Variants in AP3M1 observed in about 807,000 individuals in gnomAD.
AP3M1 encodes the protein adaptor related protein complex 3 subunit mu 1.
Under a neutral mutation model 42.6 loss-of-function variants are expected in AP3M1, and 29 were observed. The observed-to-expected ratio is 0.68, with a 90% confidence interval of 0.51 to 0.93. The LOEUF is 0.93. Among genes scored for constraint, AP3M1 ranks in the 40% least tolerant of loss-of-function variants. AP3M1 has a pLI of 0.00. For missense variants in AP3M1, 416 were observed against 510.2 expected (o/e 0.82, Z 1.78); for synonymous variants, 178 against 175.3 (o/e 1.02, Z -0.12).
At position 74,124,510 on chromosome 10, in the gene AP3M1, A is replaced by G; in HGVS notation, c.1026T>C (p.Asp342=). Residue 342 remains aspartate, a synonymous_variant, in exon 8 of 9, where the codon GAT becomes GAC. Coordinates refer to ENST00000355264, the MANE Select transcript of AP3M1 (RefSeq NM_012095.6). ...FDPVTKVLTW[D]VGKITPQKLP... is the part of the protein sequence containing the mutation. Reference sequence around the variant, plus strand: ...GCTTTTGTGGAGTAATTTTTCCCACATCCCATGTTAGTACCTTAAAAAGAC... The same window carrying G: ...GCTTTTGTGGAGTAATTTTTCCCACGTCCCATGTTAGTACCTTAAAAAGAC... 1 of 1,606,496 alleles carries G rather than the reference A, an allele frequency of 6.2e-7. No individual in the cohort carries two copies. Among genetic ancestry groups the G allele is most frequent in the Non-Finnish European group, 8.5e-7 (1 of 1,177,910 alleles).
At chr10:74,126,704 T>C (rs1221933514) in intron 6 of AP3M1, among the ~76,000 whole-genome samples, 9 of 151,106 alleles carry the variant, frequency 6.0e-5, no homozygotes, top group Non-Finnish European at 3.0e-5. Context: ...AAAAATTAGC[T>C]AGGGCTGGGC....
At position 74,150,588 on chromosome 10, in the gene AP3M1, G is replaced by A. The variant is rs540320607; in HGVS notation, c.-4+167C>T. ...TGGACCGCTCCCTTCTGGCCTTGCTGGCGAGAAAGCCCGGAAGGCCGGGAG... is the reference window on the plus strand; with the variant it reads ...TGGACCGCTCCCTTCTGGCCTTGCTAGCGAGAAAGCCCGGAAGGCCGGGAG... On this transcript the variant is annotated intron_variant, in intron 1 of 8. Coordinates refer to ENST00000355264, the MANE Select transcript of AP3M1 (RefSeq NM_012095.6). 6 of 153,232 alleles carry A rather than the reference G, an allele frequency of 3.9e-5. No individual in the cohort carries two copies. In the East Asian group the frequency reaches 1.2e-3, roughly 30 times the overall value. 9.5% of individuals were successfully genotyped at this position (153,232 alleles called of 1,614,324 possible).
At chr10:74,125,996 C>A in intron 7 of AP3M1, 152 bp downstream of exon 7, 1 of 725,976 alleles carries the variant, frequency 1.4e-6, no homozygotes. Context: ...CTTCTGCAGC[C>A]AGTGGCAGAA....
intron 6 of AP3M1, among the ~76,000 whole-genome samples, chr10:74,127,550 T>C (rs1475297437): frequency 2.0e-5 from 3 of 151,934 alleles, no homozygotes; most frequent in South Asian, 2.1e-4. Flanking sequence ...TCCCAGCTAC[T>C]TGGGAGGCTG....
At chr10:74,137,562 T>C (rs12779746) in intron 2 of AP3M1, among the ~76,000 whole-genome samples, 64 of 152,344 alleles carry the variant, frequency 4.2e-4, no homozygotes, top group Non-Finnish European at 8.5e-4. Flanking sequence ...GGCATTATTG[T>C]TTCCTGATGA....
In AP3M1 at chr10:74,130,002, GA is replaced by G. The variant is rs35456205; in HGVS notation, c.584-11del. 0.7 allele frequency: 1,015,691 copies of G among 1,443,516 alleles called. 356,598 individuals carry two copies. The highest frequency in any genetic ancestry group is 0.83 in the Middle Eastern group (4,722 of 5,700). The allele number at this position is 1,443,516 out of a possible 1,614,324, so 89.4% of individuals were successfully genotyped here. The stretch of plus-strand genomic sequence containing the variant: ...GCAAAGACTGTAGATCCTGAAGAAA[GA>G]AAAAAAAAAGGAAGATAACATCAAT... On this transcript the variant is annotated splice_polypyrimidine_tract_variant and intron_variant, in intron 4 of 8. Transcript: ENST00000355264.
intron 4 of AP3M1, 86 bp downstream of exon 4, chr10:74,133,941 C>T: frequency 6.5e-7 from 1 of 1,536,258 alleles, no homozygotes; most frequent in Non-Finnish European, 8.8e-7. Flanking sequence ...GCGTGAGCCA[C>T]CGCGCCCGGC....
intron 1 of AP3M1, among the ~76,000 whole-genome samples, chr10:74,145,717 G>A (rs1841307437): frequency 6.6e-6 from 1 of 152,174 alleles, no homozygotes; most frequent in African/African-American, 2.4e-5. Flanking sequence ...AAGAAACTGT[G>A]TTCAGAGGCA....
At chr10:74,150,092 C>T (rs1436331827) in intron 1 of AP3M1, among the ~76,000 whole-genome samples, 3 of 152,176 alleles carry the variant, frequency 2.0e-5, no homozygotes, top group African/African-American at 4.8e-5. Context: ...CCTTGAAAGT[C>T]TTTCGGGCTT....
chr10:74,126,221 T>C lies in AP3M1; in HGVS notation c.938A>G (p.His313Arg). ...KTIEGITVTV[H>R]MPKVVLNMNL... The stretch of plus-strand genomic sequence containing the variant: ...CATGTTCAGCACAACTTTTGGCATG[T>C]GAACTGTCACTGTAATTCCTTCAAT... Residue 313 changes from histidine to arginine, a missense_variant, in exon 7 of 9, where the codon CAC becomes CGC. Coordinates refer to ENST00000355264, the MANE Select transcript of AP3M1 (RefSeq NM_012095.6). 3.1e-6 allele frequency: 5 copies of C among 1,614,254 alleles called. No individual in the cohort carries two copies. The South Asian group carries it at 4.4e-5, about 14-fold the overall frequency.
intron 4 of AP3M1, among the ~76,000 whole-genome samples, chr10:74,132,516 C>A (rs1330263326): frequency 1.3e-5 from 2 of 151,668 alleles, no homozygotes; most frequent in Non-Finnish European, 2.9e-5. Context: ...CATGGTGAGA[C>A]CCTGTCTGTA....
intron 1 of AP3M1, among the ~76,000 whole-genome samples, chr10:74,139,623 A>G (rs567191602): frequency 2.6e-4 from 39 of 151,272 alleles, no homozygotes; most frequent in Admixed American, 6.6e-4. Context: ...CTCTACTAAA[A>G]AAAAAAAAAA....
At chr10:74,143,078 C>A (rs940013500) in intron 1 of AP3M1, among the ~76,000 whole-genome samples, 8 of 152,198 alleles carry the variant, frequency 5.3e-5, no homozygotes, top group African/African-American at 4.8e-5. Context: ...TGGCCAGGCA[C>A]AGTGGCTCAC....
rs917075188 is a variant in AP3M1 at position 74,123,165 on chromosome 10, T to G, written c.*645A>C. On this transcript the variant is annotated 3_prime_UTR_variant, in exon 9 of 9. Coordinates refer to ENST00000355264, the MANE Select transcript of AP3M1 (RefSeq NM_012095.6). ...GCAGCAAGGTCCCTGTAAATCAAAT[T>G]CTAAGCTTTACATAAAAATCTTATT... 2.0e-5 allele frequency: 3 copies of G among 152,636 alleles called. No homozygotes were observed. The highest frequency in any genetic ancestry group is 4.4e-5 in the Non-Finnish European group (3 of 68,050). The allele number at this position is 152,636 out of a possible 1,614,324, so 9.5% of individuals were successfully genotyped here.
At chr10:74,142,973 C>G (rs969965253) in intron 1 of AP3M1, among the ~76,000 whole-genome samples, 4 of 152,216 alleles carry the variant, frequency 2.6e-5, no homozygotes, top group African/African-American at 9.6e-5. Flanking sequence ...AATCCACAAG[C>G]AGACTCAGAT....
Position 74,129,982 on chromosome 10 carries a change from G to C in AP3M1, c.594C>G (p.Val198=), listed in dbSNP as rs1840732210. ...DAIIDKSGST[V]FAEIQGVIDA... ...CAATGACCCCCTGAATTTCTGCAAA[G>C]ACTGTAGATCCTGAAGAAAGAAAAA... Residue 198 remains valine (V), a synonymous_variant, in exon 5 of 9, where the codon GTC becomes GTG. Coordinates refer to ENST00000355264, the MANE Select transcript of AP3M1 (RefSeq NM_012095.6). The C allele has an allele frequency of 1.3e-6, 2 of 1,599,108 alleles. No homozygotes were observed. The highest frequency in any genetic ancestry group is 1.7e-6 in the Non-Finnish European group (2 of 1,174,470).
chr10:74,149,149 G>A (rs528468736), intron 1 of AP3M1, among the ~76,000 whole-genome samples: 1 of 151,702 alleles, frequency 6.6e-6, no homozygotes, highest in African/African-American at 2.4e-5. Context: ...GGGATTACAG[G>A]CATGAGCCCT....
chr10:74,129,445 A>G (rs1047018973), intron 5 of AP3M1, among the ~76,000 whole-genome samples: 2 of 152,250 alleles, frequency 1.3e-5, no homozygotes, highest in Non-Finnish European at 2.9e-5. Flanking sequence ...CAATAACTAT[A>G]AAGGAGAAAA....
In AP3M1 at chr10:74,149,582, C is replaced by G. The variant is rs148760236; in HGVS notation, c.-4+1173G>C. 7.0e-3 allele frequency among the ~76,000 whole-genome samples: 1,065 copies of G among 152,294 alleles called. 8 individuals are homozygous for G. Among genetic ancestry groups the G allele is most frequent in the Non-Finnish European group, 0.013 (876 of 68,018 alleles). ...AGATTACAGGCGTGAGCCACCGCGC[C>G]TGGCCAAGATTCGTAAATTAAGATA... On this transcript the variant is annotated intron_variant, in intron 1 of 8. Transcript: ENST00000355264.
Sources: allele counts gnomAD v4.1 joint callset (sites outside exome capture counted in the v4.1 genomes callset), GRCh38; gene constraint gnomAD v4.1.1; transcripts MANE v1.5; gene names NCBI Gene and HGNC (gene_info 2026-07-23, HGNC 2026-07-21).